Variants in TLK2 observed in about 807,000 individuals in gnomAD.
The protein encoded by TLK2 is tousled like kinase 2, also known as serine/threonine-protein kinase tousled-like 2.
In TLK2, 6 loss-of-function variants were observed where a neutral mutation model predicts 117.3. The observed-to-expected ratio is 0.05, with a 90% CI of 0.03 to 0.10. The LOEUF (loss-of-function observed/expected upper bound fraction) is 0.10, where lower values mean the gene tolerates loss of function less well. TLK2 is among the 10% of genes least tolerant of loss of function. The pLI, the probability that TLK2 is intolerant of heterozygous loss-of-function variation, is 1.00. For synonymous variants in TLK2, 257 were observed against 316.7 expected (o/e 0.81, Z 2.00); for missense variants, 299 against 901.2 (o/e 0.33, Z 8.56).
intron 2 of TLK2, among the ~76,000 whole-genome samples, chr17:62,512,616 A>G (rs1363748347): frequency 1.3e-5 from 2 of 151,950 alleles, no homozygotes; most frequent in African/African-American, 4.8e-5. Flanking sequence ...GTGTGACTTG[A>G]AAATATTTTC....
At chr17:62,512,280 T>C (rs1187030117) in intron 2 of TLK2, among the ~76,000 whole-genome samples, 3 of 131,742 alleles carry the variant, frequency 2.3e-5, no homozygotes, top group Non-Finnish European at 4.6e-5. Flanking sequence ...GGAGTACAAA[T>C]GGCATGGTCT....
upstream of TLK2, among the ~76,000 whole-genome samples, chr17:62,475,280 G>T (rs2071016326): frequency 2.0e-5 from 3 of 152,066 alleles, no homozygotes; most frequent in Admixed American, 2.0e-4. Context: ...GACAGAATTG[G>T]AACCCAGTTC....
intron 6 of TLK2, among the ~76,000 whole-genome samples, chr17:62,533,109 A>G (rs2076853695): frequency 6.6e-6 from 1 of 151,784 alleles, no homozygotes; most frequent in Non-Finnish European, 1.5e-5. Flanking sequence ...TCTCTTTTGA[A>G]ATACTTGTGT....
At chr17:62,573,126 G>T in intron 11 of TLK2, 89 bp from the exon 12 acceptor site, 1 of 1,398,470 alleles carries the variant, frequency 7.2e-7, no homozygotes, top group Non-Finnish European at 9.5e-7. Flanking sequence ...TTCTGAAATT[G>T]GATACACAAG....
At chr17:62,528,293 A>G (rs1275046472) in intron 6 of TLK2, among the ~76,000 whole-genome samples, 3 of 152,208 alleles carry the variant, frequency 2.0e-5, no homozygotes, top group Non-Finnish European at 2.9e-5. Context: ...ATTATTTTGT[A>G]TTTGTGTTAA....
At chr17:62,569,303 A>G (rs2080072301) in intron 11 of TLK2, among the ~76,000 whole-genome samples, 1 of 143,128 alleles carries the variant, frequency 7.0e-6, no homozygotes, top group Admixed American at 7.1e-5. Context: ...CTTCGTCTCC[A>G]AAAAAAAAAA....
intron 7 of TLK2, among the ~76,000 whole-genome samples, chr17:62,541,021 G>A (rs1008702307): frequency 3.2e-4 from 48 of 152,078 alleles, no homozygotes; most frequent in Non-Finnish European, 5.9e-4. Flanking sequence ...TCACCTCGGG[G>A]CCTTTGCGTT....
At chr17:62,576,575 A>G (rs1486314265) in intron 12 of TLK2, 134 bp from the exon 13 acceptor site, 1 of 693,100 alleles carries the variant, frequency 1.4e-6, no homozygotes, top group Non-Finnish European at 2.5e-6. Context: ...GAGGACTACA[A>G]GATAACCCAT....
At chr17:62,582,511 GT>G (rs2081293679) in intron 15 of TLK2, among the ~76,000 whole-genome samples, 1 of 152,024 alleles carries the variant, frequency 6.6e-6, no homozygotes, top group Admixed American at 6.6e-5. Flanking sequence ...CAACTTTTTT[GT>G]TGATCAAAAC....
intron 2 of TLK2, among the ~76,000 whole-genome samples, chr17:62,484,948 C>G (rs1291609745): frequency 1.3e-5 from 2 of 152,034 alleles, no homozygotes; most frequent in South Asian, 4.2e-4. Context: ...TCCCAGCTAC[C>G]TGGGAGGCTG....
chr17:62,594,018 C>CCTGACCT, intron 16 of TLK2, among the ~76,000 whole-genome samples: 1 of 151,820 alleles, frequency 6.6e-6, no homozygotes, highest in African/African-American at 2.4e-5. Flanking sequence ...GCCTCAAACT[C>CCTGACCT]CTGACCTCAA....
At position 62,586,371 on chromosome 17, in the gene TLK2, T is replaced by C; in HGVS notation, c.1460+145T>C. ...CCTGAGAGAATAAATACATTCTCAG[T>C]GTTACGACGAGGAAACTGATGCTTA... On this transcript the variant is annotated intron_variant, in intron 16 of 21. Transcript: ENST00000346027. 5 of 621,214 alleles carry C rather than the reference T, an allele frequency of 8.0e-6. No homozygotes were observed. In the South Asian group the frequency reaches 1.1e-4, roughly 14 times the overall value. The allele number at this position is 621,214 out of a possible 1,614,324, so 38.5% of individuals were successfully genotyped here.
intron 2 of TLK2, among the ~76,000 whole-genome samples, chr17:62,487,176 C>T (rs1338586135): frequency 6.6e-6 from 1 of 151,970 alleles, no homozygotes; most frequent in Non-Finnish European, 1.5e-5. Context: ...CCTGTAATCC[C>T]AGCTACTCAG....
intron 1 of TLK2, among the ~76,000 whole-genome samples, chr17:62,480,020 C>T (rs2071436393): frequency 6.6e-6 from 1 of 152,192 alleles, no homozygotes; most frequent in Admixed American, 6.5e-5. Flanking sequence ...CTCTCTCTAA[C>T]CTGCACTTGC....
At chr17:62,519,765 T>A (rs1009583088) in intron 2 of TLK2, among the ~76,000 whole-genome samples, 51 of 152,226 alleles carry the variant, frequency 3.4e-4, no homozygotes, top group Non-Finnish European at 5.4e-4. Flanking sequence ...TTTTTGTCTA[T>A]CAGTCTTGTA....
intron 12 of TLK2, chr17:62,574,386 C>T: frequency 6.8e-7 from 1 of 1,479,456 alleles, no homozygotes; most frequent in East Asian, 2.4e-5. Context: ...ACAGCCCCAG[C>T]CTTAGGAGCC....
intron 1 of TLK2, 64 bp downstream of exon 1, chr17:62,479,354 C>G (rs1393309685): frequency 2.6e-5 from 4 of 153,336 alleles, no homozygotes; most frequent in African/African-American, 7.2e-5. Context: ...TCCTGGGGAC[C>G]CCTTTGGCCT....
At chr17:62,563,891 G>A (rs1320772531) in intron 10 of TLK2, among the ~76,000 whole-genome samples, 1 of 152,144 alleles carries the variant, frequency 6.6e-6, no homozygotes, top group Non-Finnish European at 1.5e-5. Flanking sequence ...CTAGCGCATT[G>A]AGGGGTTTTT....
At chr17:62,609,230 G>T (rs775020210) in intron 21 of TLK2, among the ~76,000 whole-genome samples, 2 of 152,078 alleles carry the variant, frequency 1.3e-5, no homozygotes, top group Non-Finnish European at 2.9e-5. Context: ...CTACAGGTGT[G>T]CACCACTGCT....
Sources: gnomAD v4.1 joint callset for allele counts (sites outside exome capture counted in the v4.1 genomes callset) on GRCh38, gnomAD v4.1.1 for gene constraint, MANE v1.5 for transcripts, NCBI Gene and HGNC (gene_info 2026-07-23, HGNC 2026-07-21) for gene names.